PRELID2: variants seen among roughly 807,000 people sequenced by gnomAD.
PRELID2 encodes the protein PRELI domain-containing protein 2.
PRELID2 carries 25 observed loss-of-function variants against 28.4 expected under a neutral mutation model. The observed-to-expected ratio is 0.88, with a 90% CI of 0.64 to 1.23. The LOEUF (loss-of-function observed/expected upper bound fraction) is 1.23, where lower values mean the gene tolerates loss of function less well. Ranked by LOEUF, PRELID2 falls within the 50% of genes most tolerant of loss-of-function variation. PRELID2 has a pLI of 0.00. For synonymous variants in PRELID2, 76 were observed against 71.6 expected, an observed-to-expected ratio of 1.06 and a Z score of -0.31; for missense variants, 201 against 214.4, an observed-to-expected ratio of 0.94 and a Z score of 0.39.
chr5:145,286,702 G>GTTTTT, the PRELID2 span, among the ~76,000 whole-genome samples: 2 of 96,646 alleles, frequency 2.1e-5, no homozygotes, highest in South Asian at 3.3e-4. Flanking sequence ...AGAAGTTTTT[G>GTTTTT]TTTTTTTTTG....
At chr5:145,677,056 G>A (rs973688676) in intron 1 of PRELID2, among the ~76,000 whole-genome samples, 21 of 151,600 alleles carry the variant, frequency 1.4e-4, no homozygotes, top group African/African-American at 4.6e-4. Context: ...ATTTTAACAC[G>A]GTGTAATATT....
intron 1 of PRELID2, 85 bp from the exon 2 acceptor site, chr5:145,823,219 C>A (rs2149874586): frequency 1.6e-6 from 1 of 644,554 alleles, no homozygotes. Context: ...GTCTGCAGGA[C>A]TAGTAAATAT....
At chr5:145,835,156 A>G in intron 1 of PRELID2, 21 bp downstream of exon 1, 3 of 1,526,566 alleles carry the variant, frequency 2.0e-6, no homozygotes, top group Non-Finnish European at 2.7e-6. Flanking sequence ...CGGGATACGG[A>G]AGGTGGAAGC....
chr5:145,606,547 GT>G (rs1019450946), intron 1 of PRELID2, among the ~76,000 whole-genome samples: 2 of 152,028 alleles, frequency 1.3e-5, no homozygotes, highest in African/African-American at 4.8e-5. Context: ...TTTTAGTTCT[GT>G]TTATGTGATT....
At chr5:145,394,576 G>A in the PRELID2 span, among the ~76,000 whole-genome samples, 235 of 152,122 alleles carry the variant, frequency 1.5e-3, 1 homozygote, top group African/African-American at 5.5e-3. Context: ...AAAACTTAAA[G>A]TATAACAATA....
chr5:145,671,515 G>C (rs1345573683), intron 1 of PRELID2, among the ~76,000 whole-genome samples: 2 of 152,136 alleles, frequency 1.3e-5, no homozygotes, highest in African/African-American at 4.8e-5. Flanking sequence ...CAGCAGTTTT[G>C]AATGTTTGCA....
At chr5:145,420,528 CTGTT>C in the PRELID2 span, among the ~76,000 whole-genome samples, 1 of 142,144 alleles carries the variant, frequency 7.0e-6, no homozygotes, top group Non-Finnish European at 1.6e-5. Flanking sequence ...ATTTGGCTCT[CTGTT>C]TGTCTGTTAT....
At chr5:145,772,742 T>G (rs1429522465) in intron 5 of PRELID2, among the ~76,000 whole-genome samples, 1 of 152,200 alleles carries the variant, frequency 6.6e-6, no homozygotes, top group Non-Finnish European at 1.5e-5. Context: ...ATTCAAACCA[T>G]AGCAGGTACA....
At chr5:145,510,868 T>A (rs1055814412) in intron 1 of PRELID2, among the ~76,000 whole-genome samples, 3 of 152,210 alleles carry the variant, frequency 2.0e-5, no homozygotes, top group African/African-American at 7.2e-5. Context: ...CATACCTGAT[T>A]AGAAGACCTG....
At chr5:145,713,030 TAAAG>T (rs1396559265) in intron 1 of PRELID2, among the ~76,000 whole-genome samples, 1 of 150,524 alleles carries the variant, frequency 6.6e-6, no homozygotes, top group Non-Finnish European at 1.5e-5. Flanking sequence ...TGAGGGGAAA[TAAAG>T]AAGAGAAGAA....
the PRELID2 span, among the ~76,000 whole-genome samples, chr5:145,425,614 A>G: frequency 6.6e-6 from 1 of 152,272 alleles, no homozygotes; most frequent in African/African-American, 2.4e-5. Context: ...TGGGATGTGG[A>G]TGGAGCTGGA....
chr5:145,350,990 A>G, the PRELID2 span, among the ~76,000 whole-genome samples: 1 of 152,184 alleles, frequency 6.6e-6, no homozygotes, highest in Admixed American at 6.5e-5. Context: ...GATATAAGCC[A>G]GTCAATGAGA....
rs368796744 is a variant in PRELID2, at chr5:145,641,382, A to G, written n.70+123549T>C. On this transcript the variant is annotated intron_variant and non_coding_transcript_variant, in intron 1 of 2. Transcript: ENST00000510259. The stretch of plus-strand genomic sequence containing the variant: ...AAATGGCCATTAATACCATAAAGAG[A>G]TGGTAAACTTTGTTAAGATATCAGA... 2.6e-5 allele frequency among the ~76,000 whole-genome samples: 4 copies of G among 152,214 alleles called. No homozygotes were observed. In the South Asian group the frequency reaches 8.3e-4, roughly 31 times the overall value.
intron 4 of PRELID2, among the ~76,000 whole-genome samples, chr5:145,811,182 A>G (rs1753910376): frequency 6.6e-6 from 1 of 151,684 alleles, no homozygotes; most frequent in African/African-American, 2.4e-5. Context: ...CACTATCACA[A>G]GAACAGCATG....
At chr5:145,553,192 C>G (rs1029727595) in intron 1 of PRELID2, among the ~76,000 whole-genome samples, 4 of 138,778 alleles carry the variant, frequency 2.9e-5, no homozygotes, top group Non-Finnish European at 3.1e-5. Context: ...ACCCCCCCCC[C>G]CAAAAAAAAA....
At position 145,817,196 on chromosome 5, in the gene PRELID2, A is replaced by AATAAAT. The variant is rs1165491787; in HGVS notation, c.368+697_368+698insATTTAT. ...ACAGAGCAAGACTGCATTTCAAAAA[A>AATAAAT]AAATAAATAAATAAATAAAAAAAAA... On this transcript the variant is annotated intron_variant, in intron 4 of 6. Transcript: ENST00000683046. 5.8e-5 allele frequency among the ~76,000 whole-genome samples: 5 copies of AATAAAT among 85,492 alleles called. 2 individuals carry two copies. The highest frequency in any genetic ancestry group is 8.7e-4 in the South Asian group (2 of 2,308). The allele number at this position is 85,492 out of a possible 152,430, so 56.1% of individuals were successfully genotyped here.
At chr5:145,352,026 G>A in the PRELID2 span, among the ~76,000 whole-genome samples, 1 of 152,294 alleles carries the variant, frequency 6.6e-6, no homozygotes, top group East Asian at 1.9e-4. Context: ...CGTCTCAGGT[G>A]CTTTCATGGG....
intron 1 of PRELID2, among the ~76,000 whole-genome samples, chr5:145,601,796 T>C (rs112498676): frequency 9.9e-4 from 151 of 152,296 alleles, no homozygotes; most frequent in African/African-American, 3.5e-3. Flanking sequence ...AGTAACTTAT[T>C]GAGAGATAAT....
At chr5:145,315,981 CT>C in the PRELID2 span, among the ~76,000 whole-genome samples, 1 of 152,060 alleles carries the variant, frequency 6.6e-6, no homozygotes, top group African/African-American at 2.4e-5. Flanking sequence ...ATTATCTATA[CT>C]CTTGAGGTTA....
Sources: allele counts gnomAD v4.1 joint callset (sites outside exome capture counted in the v4.1 genomes callset), GRCh38; gene constraint gnomAD v4.1.1; transcripts MANE v1.5; gene names NCBI Gene and HGNC (gene_info 2026-07-23, HGNC 2026-07-21).